The following PDE7A variants were observed in gnomAD, a reference collection of about 807,000 sequenced individuals.
PDE7A encodes phosphodiesterase 7A.
A neutral mutation model predicts 64.3 loss-of-function variants in PDE7A; 39 were observed. The ratio of observed to expected loss-of-function variants is 0.61; its 90% CI spans 0.47 to 0.79. The LOEUF is 0.79. Among genes scored for constraint, PDE7A ranks in the 30% least tolerant of loss-of-function variants. PDE7A has a pLI of 0.00. For missense variants in PDE7A, 470 were observed against 582.8 expected (o/e 0.81, Z 1.99); for synonymous variants, 203 against 206.8 (o/e 0.98, Z 0.16).
intron 3 of PDE7A, among the ~76,000 whole-genome samples, chr8:65,764,446 G>A (rs182169146): frequency 6.6e-6 from 1 of 152,250 alleles, no homozygotes; most frequent in African/African-American, 2.4e-5. Context: ...ATAATGGTTG[G>A]AAAAAAGTAT....
chr8:65,771,230 T>C (rs1006459712), intron 3 of PDE7A: 1 of 157,150 alleles, frequency 6.4e-6, no homozygotes, highest in African/African-American at 2.4e-5. Context: ...ACGTTGCTTA[T>C]AATAAACTGT....
chr8:65,817,747 G>A (rs1008631446), intron 1 of PDE7A, among the ~76,000 whole-genome samples: 10 of 123,128 alleles, frequency 8.1e-5, no homozygotes, highest in African/African-American at 3.0e-4. Flanking sequence ...ATCATATCAA[G>A]GAGTGTTTTT....
intron 1 of PDE7A, among the ~76,000 whole-genome samples, chr8:65,788,360 A>G (rs2128925442): frequency 6.6e-6 from 1 of 152,352 alleles, no homozygotes; most frequent in Admixed American, 6.5e-5. Flanking sequence ...AAAACAACAT[A>G]TATGTAATCC....
At position 65,719,520 on chromosome 8, in the gene PDE7A, A is replaced by G. The variant is rs769240980; in HGVS notation, c.1244-25T>C. Reference sequence around the variant, plus strand: ...CCTTGAGAAAATAGGAGAAAAAGTTATTAACATATATGCTGAAACTCTATC... The same window carrying G: ...CCTTGAGAAAATAGGAGAAAAAGTTGTTAACATATATGCTGAAACTCTATC... On this transcript the variant is annotated intron_variant, in intron 12 of 12. Transcript: ENST00000401827. The G allele has an allele frequency of 4.2e-6, 6 of 1,415,226 alleles. No homozygotes were observed. In the South Asian group the frequency reaches 4.6e-5, roughly 11 times the overall value. The allele number at this position is 1,415,226 out of a possible 1,614,324, so 87.7% of individuals were successfully genotyped here. A position where few individuals can be genotyped will look rare whatever the true frequency, so the allele number is the denominator to read the frequency against.
rs867208708 is a variant in PDE7A at position 65,776,556 on chromosome 8, A to G, written c.283+3164T>C. 2.0e-5 allele frequency among the ~76,000 whole-genome samples: 3 copies of G among 152,284 alleles called. No homozygotes were observed. The Middle Eastern group carries it at 0.01, about 518-fold the overall frequency. On this transcript the variant is annotated intron_variant, in intron 3 of 12. Transcript: ENST00000401827. ...CATAAATAACAGTATATATATTTCT[A>G]TTTAAGTTATCTTTAATTTTTCTAT...
intron 3 of PDE7A, among the ~76,000 whole-genome samples, chr8:65,755,688 A>C (rs1206737729): frequency 6.6e-6 from 1 of 152,258 alleles, no homozygotes; most frequent in Non-Finnish European, 1.5e-5. Flanking sequence ...TTATATATTT[A>C]CTTGTGTAGT....
chr8:65,777,650 G>A lies in PDE7A; in HGVS notation c.283+2070C>T, dbSNP rs181265571. 2.6e-5 allele frequency among the ~76,000 whole-genome samples: 4 copies of A among 152,230 alleles called. No homozygotes were observed. The East Asian group carries it at 7.7e-4, about 29-fold the overall frequency. On this transcript the variant is annotated intron_variant, in intron 3 of 12. Transcript: ENST00000401827. The stretch of plus-strand genomic sequence containing the variant: ...AATTGTGAAGTGTATCCTTTTCAGA[G>A]TTTGTGGATGATATTTTTAGTTTGA...
chr8:65,773,878 A>G (rs1269669625), intron 3 of PDE7A, among the ~76,000 whole-genome samples: 1 of 152,212 alleles, frequency 6.6e-6, no homozygotes, highest in African/African-American at 2.4e-5. Context: ...TTATTTTACT[A>G]AATTCAGTGA....
intron 3 of PDE7A, among the ~76,000 whole-genome samples, chr8:65,778,492 G>C (rs1242283239): frequency 6.6e-6 from 1 of 152,094 alleles, no homozygotes; most frequent in African/African-American, 2.4e-5. Context: ...TCCAATCAAA[G>C]ACCAAGACAC....
rs779730616 is a variant in PDE7A at position 65,724,871 on chromosome 8, C to G, written c.971G>C (p.Ser324Thr). ...CAAAGACAGATACTCATTCTGGCGA[C>G]TGATGTCTGTGGCTAGTATCAGAGC... ...IGALILATDI[S>T]RQNEYLSLFR... The change falls in exon 10 of 13, where the codon AGT (serine) becomes ACT (threonine). Residue 324 changes from serine to threonine, a missense_variant. Transcript: ENST00000401827. 1.9e-6 allele frequency: 3 copies of G among 1,611,076 alleles called. No individual in the cohort carries two copies. The East Asian group carries it at 6.7e-5, about 36-fold the overall frequency.
chr8:65,719,592 A>G (rs1462471589), intron 12 of PDE7A, 97 bp from the exon 13 acceptor site: 4 of 749,126 alleles, frequency 5.3e-6, no homozygotes, highest in Non-Finnish European at 9.1e-6. Context: ...ATCCTACTCC[A>G]GTATTACCCA....
chr8:65,786,164 C>A (rs552370583), intron 1 of PDE7A, among the ~76,000 whole-genome samples: 8 of 152,068 alleles, frequency 5.3e-5, no homozygotes, highest in Non-Finnish European at 1.2e-4. Context: ...TTACATAGGT[C>A]TGTGCAAAAT....
At chr8:65,754,955 C>T (rs1808153961) in intron 3 of PDE7A, among the ~76,000 whole-genome samples, 1 of 150,430 alleles carries the variant, frequency 6.6e-6, no homozygotes, top group African/African-American at 2.4e-5. Flanking sequence ...CAGAGCGAGA[C>T]TCCCTCAAAA....
chr8:65,776,474 C>T (rs1809262121), intron 3 of PDE7A, among the ~76,000 whole-genome samples: 1 of 152,092 alleles, frequency 6.6e-6, no homozygotes, highest in African/African-American at 2.4e-5. Flanking sequence ...TAAACCTATA[C>T]AGATCAATTT....
At chr8:65,751,219 A>G (rs896621484) in intron 3 of PDE7A, among the ~76,000 whole-genome samples, 1 of 152,246 alleles carries the variant, frequency 6.6e-6, no homozygotes. Context: ...CAGAGATGCC[A>G]ACTAAAACTA....
chr8:65,771,884 CAAAAAAAAAAAAA>C (rs36101490), intron 3 of PDE7A, among the ~76,000 whole-genome samples: 2 of 55,836 alleles, frequency 3.6e-5, no homozygotes, highest in South Asian at 8.9e-4. Context: ...CTCCATCTCT[CAAAAAAAAAAAAA>C]AAAAAAAAAA....
intron 12 of PDE7A, chr8:65,720,288 C>T (rs1585819012): frequency 1.3e-5 from 2 of 153,806 alleles, no homozygotes; most frequent in East Asian, 3.9e-4. Flanking sequence ...AGCTATCAAT[C>T]AAATCATATT....
At chr8:65,737,573 C>T (rs769339142) in intron 6 of PDE7A, among the ~76,000 whole-genome samples, 5 of 152,080 alleles carry the variant, frequency 3.3e-5, no homozygotes, top group Non-Finnish European at 7.4e-5. Flanking sequence ...GGCGCGATCT[C>T]GGCTCACTCT....
At chr8:65,759,967 C>T (rs532934699) in intron 3 of PDE7A, among the ~76,000 whole-genome samples, 11 of 152,034 alleles carry the variant, frequency 7.2e-5, no homozygotes, top group African/African-American at 1.2e-4. Context: ...CAGCTGAGCA[C>T]GGTGGCTCAC....
Sources: allele counts gnomAD v4.1 joint callset (sites outside exome capture counted in the v4.1 genomes callset), GRCh38; gene constraint gnomAD v4.1.1; transcripts MANE v1.5; gene names NCBI Gene and HGNC (gene_info 2026-07-23, HGNC 2026-07-21).